The following PLEKHG1 variants were observed in gnomAD, a reference collection of about 807,000 sequenced individuals.
PLEKHG1 encodes the protein pleckstrin homology domain-containing family G member 1.
A neutral mutation model predicts 100.8 loss-of-function variants in PLEKHG1; 44 were observed. The ratio of observed to expected loss-of-function variants is 0.44; its 90% confidence interval spans 0.34 to 0.56. PLEKHG1 has a LOEUF of 0.56. Ranked by LOEUF, PLEKHG1 falls within the 20% of genes least tolerant of loss-of-function variation. The pLI, the probability that PLEKHG1 is intolerant of heterozygous loss-of-function variation, is 0.01. For synonymous variants in PLEKHG1, 640 were observed against 662.5 expected, an observed-to-expected ratio of 0.97 and a Z score of 0.52; for missense variants, 1,545 against 1,720.9, an observed-to-expected ratio of 0.90 and a Z score of 1.81.
intron 6 of PLEKHG1, among the ~76,000 whole-genome samples, chr6:150,802,563 A>G (rs997356137): frequency 1.4e-4 from 22 of 152,198 alleles, no homozygotes; most frequent in African/African-American, 5.3e-4. Context: ...ATGAAGAAAA[A>G]AAACAGTGGT....
At chr6:150,644,052 TTTG>T (rs1221256199) in intron 2 of PLEKHG1, among the ~76,000 whole-genome samples, 2 of 152,202 alleles carry the variant, frequency 1.3e-5, no homozygotes, top group African/African-American at 4.8e-5. Flanking sequence ...ATCGTAAATA[TTTG>T]TTAAGTGGAT....
chr6:150,677,208 CTT>C (rs1243048908), intron 3 of PLEKHG1, among the ~76,000 whole-genome samples: 5 of 152,120 alleles, frequency 3.3e-5, no homozygotes, highest in Admixed American at 2.6e-4. Context: ...AGTCCAAAGT[CTT>C]TACTGGATAC....
chr6:150,720,858 A>C (rs1361977730), upstream of PLEKHG1, among the ~76,000 whole-genome samples: 1 of 152,110 alleles, frequency 6.6e-6, no homozygotes, highest in Non-Finnish European at 1.5e-5. Context: ...TTCACAAAAG[A>C]ATGGAAGTGG....
intron 2 of PLEKHG1, among the ~76,000 whole-genome samples, chr6:150,768,115 A>C (rs1358395896): frequency 2.6e-5 from 4 of 152,262 alleles, no homozygotes; most frequent in African/African-American, 4.8e-5. Flanking sequence ...TAATTAACAC[A>C]GCATAGTAAG....
At chr6:150,778,829 C>T (rs756533040) in intron 3 of PLEKHG1, among the ~76,000 whole-genome samples, 2 of 152,154 alleles carry the variant, frequency 1.3e-5, no homozygotes, top group African/African-American at 4.8e-5. Context: ...TTTCTCTTTA[C>T]TAGTACCATT....
chr6:150,722,349 C>CTT (rs139069069), intron 1 of PLEKHG1, among the ~76,000 whole-genome samples: 140 of 90,642 alleles, frequency 1.5e-3, no homozygotes, highest in Middle Eastern at 9.8e-3. Flanking sequence ...TTTTTCTTTT[C>CTT]TTTTTTTTTT....
intron 2 of PLEKHG1, among the ~76,000 whole-genome samples, chr6:150,742,841 G>A (rs1251621161): frequency 6.6e-6 from 1 of 152,148 alleles, no homozygotes; most frequent in Non-Finnish European, 1.5e-5. Flanking sequence ...AAGTGTTCAG[G>A]TGAGGAGGAG....
intron 1 of PLEKHG1, among the ~76,000 whole-genome samples, chr6:150,620,112 G>A (rs2128556752): frequency 6.6e-6 from 1 of 151,954 alleles, no homozygotes; most frequent in East Asian, 1.9e-4. Flanking sequence ...TTGTCTTTGT[G>A]TTTATTTTTA....
intron 1 of PLEKHG1, among the ~76,000 whole-genome samples, chr6:150,620,193 GTGGGTGAA>G (rs1403636107): frequency 6.6e-6 from 1 of 152,034 alleles, no homozygotes; most frequent in African/African-American, 2.4e-5. Flanking sequence ...GGATTTTCGT[GTGGGTGAA>G]TGGAAAGAAA....
intron 7 of PLEKHG1, among the ~76,000 whole-genome samples, chr6:150,808,482 G>A (rs577915543): frequency 7.6e-4 from 115 of 152,040 alleles, no homozygotes; most frequent in Non-Finnish European, 1.4e-3. Flanking sequence ...GGGTGCGGTG[G>A]CTCACTTCTA....
chr6:150,659,538 T>C (rs1267415333), intron 3 of PLEKHG1, among the ~76,000 whole-genome samples: 1 of 152,218 alleles, frequency 6.6e-6, no homozygotes, highest in African/African-American at 2.4e-5. Context: ...AGCATATGTA[T>C]ACAATGCCTG....
intron 3 of PLEKHG1, among the ~76,000 whole-genome samples, chr6:150,706,963 A>ATTTTT (rs1198816780): frequency 2.1e-5 from 1 of 48,432 alleles, no homozygotes; most frequent in African/African-American, 6.7e-5. Context: ...CATATGTTTC[A>ATTTTT]TTTTCTTTTT....
At chr6:150,649,786 C>T (rs1056493984) in intron 2 of PLEKHG1, among the ~76,000 whole-genome samples, 8 of 151,846 alleles carry the variant, frequency 5.3e-5, no homozygotes, top group Non-Finnish European at 1.0e-4. Flanking sequence ...CCGAGGCGGG[C>T]GGATCACAAG....
At chr6:150,681,457 T>A (rs9371467) in intron 3 of PLEKHG1, among the ~76,000 whole-genome samples, 65,062 of 150,488 alleles carry the variant, frequency 0.43, 16,176 homozygotes, top group African/African-American at 0.7. Flanking sequence ...GGTGGCAGTG[T>A]GCCAAGATTG....
At chr6:150,720,542 A>G (rs1478605190), upstream of PLEKHG1, among the ~76,000 whole-genome samples, 5 of 152,242 alleles carry the variant, frequency 3.3e-5, no homozygotes, top group Non-Finnish European at 7.3e-5. Flanking sequence ...TTGTTCACCT[A>G]AAATTCTATC....
intron 15 of PLEKHG1, among the ~76,000 whole-genome samples, chr6:150,834,065 G>A (rs1472477042): frequency 1.3e-5 from 2 of 152,118 alleles, no homozygotes; most frequent in South Asian, 2.1e-4. Flanking sequence ...TTAATCTTCA[G>A]TACAATTTCT....
chr6:150,782,990 CATT>C (rs1317479719), intron 3 of PLEKHG1, among the ~76,000 whole-genome samples: 2 of 151,896 alleles, frequency 1.3e-5, no homozygotes, highest in African/African-American at 4.8e-5. Flanking sequence ...AGTACAAAAT[CATT>C]ATGATCATCA....
At chr6:150,744,466 AC>A (rs1346809748) in intron 2 of PLEKHG1, among the ~76,000 whole-genome samples, 2 of 152,216 alleles carry the variant, frequency 1.3e-5, no homozygotes, top group Non-Finnish European at 2.9e-5. Context: ...GTTAAAAAAA[AC>A]AAATTATTAA....
At chr6:150,812,940 G>T (rs1787614956) in intron 10 of PLEKHG1, among the ~76,000 whole-genome samples, 2 of 152,162 alleles carry the variant, frequency 1.3e-5, no homozygotes, top group African/African-American at 4.8e-5. Context: ...CACTCGTGCA[G>T]ATAATAAAGT....
Sources: gnomAD v4.1 joint callset for allele counts (sites outside exome capture counted in the v4.1 genomes callset) on GRCh38, gnomAD v4.1.1 for gene constraint, MANE v1.5 for transcripts, NCBI Gene and HGNC (gene_info 2026-07-23, HGNC 2026-07-21) for gene names.